PAX6: variants seen among roughly 807,000 people sequenced by gnomAD.
PAX6 encodes the protein paired box 6.
Under a neutral mutation model 60.7 loss-of-function variants are expected in PAX6, and 7 were observed. The observed-to-expected ratio is 0.12, with a 90% CI of 0.07 to 0.22. The LOEUF is 0.22. Ranked by LOEUF, PAX6 falls within the 10% of genes least tolerant of loss-of-function variation. PAX6 has a pLI of 1.00. For synonymous variants in PAX6, 208 were observed against 201.2 expected, an observed-to-expected ratio of 1.03 and a Z score of -0.29; for missense variants, 355 against 555.2, an observed-to-expected ratio of 0.64 and a Z score of 3.62.
At chr11:31,808,109 A>G (rs1250481187) in intron 2 of PAX6, 1 of 152,184 alleles carries the variant, frequency 6.6e-6, no homozygotes, top group African/African-American at 2.4e-5. Flanking sequence ...AAAAGAGGTA[A>G]AATAACAAAA....
At chr11:31,796,906 A>G (rs1565215492) in intron 8 of PAX6, among the ~76,000 whole-genome samples, 1 of 151,868 alleles carries the variant, frequency 6.6e-6, no homozygotes, top group Non-Finnish European at 1.5e-5. Flanking sequence ...GCTGAGGGAG[A>G]CGCGCTCCGC....
intron 12 of PAX6, chr11:31,793,078 T>C: frequency 6.7e-6 from 4 of 598,240 alleles, no homozygotes; most frequent in Non-Finnish European, 8.9e-6. Context: ...AATTTTAAAC[T>C]ACTAATCTGC....
chr11:31,813,368 A>G (rs766201548), upstream of PAX6, among the ~76,000 whole-genome samples: 3 of 54,522 alleles, frequency 5.5e-5, no homozygotes, highest in Non-Finnish European at 9.9e-5. Context: ...GCTGTGCATG[A>G]GCGAGGGACT....
intron 2 of PAX6, chr11:31,808,580 C>A (rs1490569989): frequency 6.6e-6 from 1 of 152,222 alleles, no homozygotes; most frequent in South Asian, 2.1e-4. Context: ...CACTTTGTAA[C>A]CCACGCTGTG....
At chr11:31,806,381 A>G in intron 4 of PAX6, 21 bp downstream of exon 4, 1 of 1,606,626 alleles carries the variant, frequency 6.2e-7, no homozygotes, top group Non-Finnish European at 8.5e-7. Context: ...CCGAAGTCCC[A>G]GAAAGACCAG....
At chr11:31,802,871 G>A (rs773966430) in intron 4 of PAX6, 37 bp from the exon 5 acceptor site, 1 of 1,602,942 alleles carries the variant, frequency 6.2e-7, no homozygotes, top group South Asian at 1.1e-5. Flanking sequence ...GGGAAAAGAA[G>A]AGAAGAGAGC....
At chr11:31,806,497 A>T in intron 3 of PAX6, 35 bp from the exon 4 acceptor site, 1 of 1,531,718 alleles carries the variant, frequency 6.5e-7, no homozygotes, top group South Asian at 1.2e-5. Flanking sequence ...ATCCTCGGGC[A>T]GCTGCATCAG....
chr11:31,817,129 C>G (rs1376864954), intron 1 of PAX6, among the ~76,000 whole-genome samples: 1 of 152,270 alleles, frequency 6.6e-6, no homozygotes, highest in African/African-American at 2.4e-5. Flanking sequence ...AGCGCAGCGC[C>G]CGCAGTAACC....
At chr11:31,793,983 G>A (rs1443578461) in intron 10 of PAX6, 49 bp downstream of exon 10, 1 of 1,364,930 alleles carries the variant, frequency 7.3e-7, no homozygotes, top group South Asian at 1.2e-5. Context: ...CTCTAGGAAA[G>A]ACAAATGGTA....
At chr11:31,807,091 T>A (rs1007154132) in intron 2 of PAX6, among the ~76,000 whole-genome samples, 166 bp from the exon 3 acceptor site, 4 of 152,184 alleles carry the variant, frequency 2.6e-5, no homozygotes, top group Admixed American at 1.3e-4. Context: ...TTCAGCGGCA[T>A]CTGCCACAGA....
chr11:31,802,879 A>G (rs756437325), intron 4 of PAX6, 45 bp from the exon 5 acceptor site: 6 of 1,583,694 alleles, frequency 3.8e-6, no homozygotes, highest in Non-Finnish European at 5.2e-6. Flanking sequence ...AAGAGAAGAG[A>G]GCAGAGTGAA....
chr11:31,789,823 G>T lies in PAX6; in HGVS notation c.*111C>A. The T allele has an allele frequency of 1.1e-6, 1 of 937,152 alleles. No homozygotes were observed. Among genetic ancestry groups the T allele is most frequent in the Non-Finnish European group, 1.7e-6 (1 of 588,282 alleles). The allele number at this position is 937,152 out of a possible 1,614,324, so 58.1% of individuals were successfully genotyped here. A position where few individuals can be genotyped will look rare whatever the true frequency, so the allele number is the denominator to read the frequency against. ...CAGGACACAATTGTAGAACTGAAGC[G>T]GCTCTAACAGCCATTTTTCTTTCTT... On this transcript the variant is annotated 3_prime_UTR_variant, in exon 14 of 14. Coordinates refer to ENST00000640368, the MANE Select transcript of PAX6 (RefSeq NM_001368894.2).
rs1171009926 is a variant in PAX6, at chr11:31,790,097, CAAAAAAAAAAA to C, written c.1226-89_1226-79del. 1.5e-4 allele frequency: 22 copies of C among 145,388 alleles called. 1 individual carries two copies. The East Asian group carries it at 2.3e-3, about 15-fold the overall frequency. 9.0% of individuals were successfully genotyped at this position (145,388 alleles called of 1,614,324 possible). ...CATGGAATACAAATTTATAGGTTTA[CAAAAAAAAAAA>C]AAAAAAAAAAAACTAATACTTTCTA... is the stretch of plus-strand genomic sequence containing the variant. On this transcript the variant is annotated intron_variant, in intron 13 of 13. Transcript: ENST00000640368.
At position 31,793,500 on chromosome 11, in the gene PAX6, T is replaced by G; in HGVS notation, c.1012A>C (p.Asn338His). ...MLGRTDTALTNTYSALPPMPS... is the reference protein window; with the variant it reads ...MLGRTDTALTHTYSALPPMPS... Reference sequence around the variant, plus strand: ...ATAGGCGGCAGAGCGCTGTAGGTGTTTGTGAGGGCTGTGTCTGTTCGGCCC... The same window carrying G: ...ATAGGCGGCAGAGCGCTGTAGGTGTGTGTGAGGGCTGTGTCTGTTCGGCCC... Residue 338 changes from asparagine to histidine, a missense_variant, in exon 12 of 14, where the codon AAC becomes CAC. Asn to His is a moderately conservative substitution (Grantham distance 68). Transcript: ENST00000640368. 2 of 1,614,234 alleles carry G rather than the reference T, an allele frequency of 1.2e-6. No individual in the cohort carries two copies. The highest frequency in any genetic ancestry group is 1.7e-6 in the Non-Finnish European group (2 of 1,180,050).
At chr11:31,815,404 C>T (rs1331975134), upstream of PAX6, among the ~76,000 whole-genome samples, 1 of 152,186 alleles carries the variant, frequency 6.6e-6, no homozygotes, top group Non-Finnish European at 1.5e-5. Context: ...CCCTGGATAT[C>T]CCCTCTCTAA....
At chr11:31,793,993 A>G (rs1474041163) in intron 10 of PAX6, 39 bp downstream of exon 10, 3 of 1,391,140 alleles carry the variant, frequency 2.2e-6, no homozygotes, top group Admixed American at 3.3e-5. Flanking sequence ...GACAAATGGT[A>G]TGAATCACAA....
chr11:31,813,875 G>A (rs550924895), upstream of PAX6, among the ~76,000 whole-genome samples: 6 of 152,248 alleles, frequency 3.9e-5, no homozygotes, highest in South Asian at 6.2e-4. Flanking sequence ...GTTCTACCTC[G>A]TGGGGAGCCT....
rs1185742220 is a variant in PAX6 at position 31,811,102 on chromosome 11, G to A, written c.-317+13C>T. ...AAGAGTGTGGGTGAGGGAAGTGGCT[G>A]CAGCCAGCACACCTATGCTGATTGG... On this transcript the variant is annotated intron_variant, in intron 1 of 13. Coordinates refer to ENST00000640368, the MANE Select transcript of PAX6 (RefSeq NM_001368894.2). 1.3e-5 allele frequency: 5 copies of A among 399,026 alleles called. No homozygotes were observed. Among genetic ancestry groups the A allele is most frequent in the Non-Finnish European group, 1.8e-5 (4 of 226,172 alleles). The allele number at this position is 399,026 out of a possible 1,614,324, so 24.7% of individuals were successfully genotyped here. A position where few individuals can be genotyped will look rare whatever the true frequency, so the allele number is the denominator to read the frequency against.
chr11:31,809,924 G>C (rs902382440), intron 2 of PAX6: 2 of 152,452 alleles, frequency 1.3e-5, no homozygotes, highest in Non-Finnish European at 2.9e-5. Flanking sequence ...GGGGGCCGGA[G>C]AACAGGGAAG....
Sources: allele counts gnomAD v4.1 joint callset (sites outside exome capture counted in the v4.1 genomes callset), GRCh38; gene constraint gnomAD v4.1.1; transcripts MANE v1.5; gene names NCBI Gene and HGNC (gene_info 2026-07-23, HGNC 2026-07-21).